The following PARD3B variants were observed in gnomAD, a reference collection of about 807,000 sequenced individuals.
The protein encoded by PARD3B is partitioning defective 3 homolog B.
Under a neutral mutation model 130.2 loss-of-function variants are expected in PARD3B, and 103 were observed. The observed-to-expected ratio is 0.79, with a 90% confidence interval of 0.67 to 0.93. The LOEUF is 0.93. Among genes scored for constraint, PARD3B ranks in the 40% least tolerant of loss-of-function variants. The pLI, the probability that PARD3B is intolerant of heterozygous loss-of-function variation, is 0.00. For synonymous variants in PARD3B, 583 were observed against 553.2 expected, an observed-to-expected ratio of 1.05 and a Z score of -0.76; for missense variants, 1,609 against 1,499.2, an observed-to-expected ratio of 1.07 and a Z score of -1.21.
At chr2:204,728,808 T>C (rs757021340) in intron 2 of PARD3B, among the ~76,000 whole-genome samples, 1 of 152,178 alleles carries the variant, frequency 6.6e-6, no homozygotes, top group African/African-American at 2.4e-5. Flanking sequence ...TCAGTTGTCT[T>C]TTCTTCTAAT....
chr2:205,587,583 C>T (rs2054243108), intron 22 of PARD3B, among the ~76,000 whole-genome samples: 1 of 152,136 alleles, frequency 6.6e-6, no homozygotes, highest in Non-Finnish European at 1.5e-5. Flanking sequence ...TTGACCTTAC[C>T]TTCTCTCTGT....
chr2:204,918,735 A>T (rs554107049), intron 2 of PARD3B, among the ~76,000 whole-genome samples: 1 of 152,114 alleles, frequency 6.6e-6, no homozygotes, highest in Admixed American at 6.5e-5. Flanking sequence ...CTCGATGTGC[A>T]GTTTGTTCTT....
chr2:205,540,293 C>T (rs917036022), intron 21 of PARD3B, among the ~76,000 whole-genome samples: 18 of 151,504 alleles, frequency 1.2e-4, no homozygotes, highest in Non-Finnish European at 2.1e-4. Flanking sequence ...TCTATCACTT[C>T]CTCTTCCTGG....
chr2:205,584,350 T>C lies in PARD3B; in HGVS notation c.3260+30947T>C, dbSNP rs2054113153. On this transcript the variant is annotated intron_variant, in intron 22 of 22. Transcript: ENST00000406610. This position sits in a 1 kb window ranked among gnomAD's most constrained non-coding sequence, Gnocchi z 5.5. ...GTAAAATAAATTATTAAAATTAGTT[T>C]TACTTTTGAATGTGGATACAAGAAA... Among the ~76,000 whole-genome samples, 1 of 152,212 alleles carries C rather than the reference T, an allele frequency of 6.6e-6. No individual in the cohort carries two copies. The highest frequency in any genetic ancestry group is 2.4e-5 in the African/African-American group (1 of 41,452).
chr2:205,266,978 T>G (rs936287848), intron 16 of PARD3B, among the ~76,000 whole-genome samples: 1 of 152,140 alleles, frequency 6.6e-6, no homozygotes, highest in Non-Finnish European at 1.5e-5. Flanking sequence ...AATCTTAATG[T>G]GCTAAAGAAG....
chr2:204,865,511 A>T (rs1321101034), intron 2 of PARD3B, among the ~76,000 whole-genome samples: 1 of 152,220 alleles, frequency 6.6e-6, no homozygotes, highest in Non-Finnish European at 1.5e-5. Flanking sequence ...GGAGACCATT[A>T]TTCTAAGTGA....
intron 1 of PARD3B, among the ~76,000 whole-genome samples, chr2:204,643,115 C>CCAAAAAAAAAAAAAAAAA (rs557257879): frequency 2.2e-4 from 7 of 31,826 alleles, no homozygotes; most frequent in East Asian, 1.6e-3. Context: ...CTCTGTCTCA[C>CCAAAAAAAAAAAAAAAAA]AAAAAAAAAA....
At chr2:204,676,117 T>G (rs183601236) in intron 1 of PARD3B, among the ~76,000 whole-genome samples, 218 of 149,852 alleles carry the variant, frequency 1.5e-3, no homozygotes, top group African/African-American at 3.9e-3. Flanking sequence ...GTATTTTTTT[T>G]GGGGCGGGGG....
intron 2 of PARD3B, among the ~76,000 whole-genome samples, chr2:204,941,838 GT>G (rs1688929257): frequency 1.3e-5 from 2 of 151,468 alleles, no homozygotes; most frequent in Admixed American, 1.3e-4. Context: ...TTCTGAGTGT[GT>G]GTGTATATAT....
intron 3 of PARD3B, 43 bp from the exon 4 acceptor site, chr2:205,047,538 C>T: frequency 7.5e-7 from 1 of 1,335,162 alleles, no homozygotes; most frequent in Non-Finnish European, 1.0e-6. Context: ...CTCTCTTCAC[C>T]CCAGGGTTCT....
intron 2 of PARD3B, among the ~76,000 whole-genome samples, chr2:204,712,381 G>A (rs2038486382): frequency 6.6e-6 from 1 of 152,048 alleles, no homozygotes; most frequent in African/African-American, 2.4e-5. Context: ...AGGAGACTGA[G>A]ACAGGTGGAT....
chr2:205,489,551 T>TATATATGTATATATATAC (rs1553524264), intron 20 of PARD3B, among the ~76,000 whole-genome samples: 2 of 138,494 alleles, frequency 1.4e-5, no homozygotes, highest in Non-Finnish European at 3.0e-5. Flanking sequence ...TATATATGTA[T>TATATATGTATATATATAC]ATATATACAT....
At chr2:205,007,491 T>A (rs576305951) in intron 3 of PARD3B, among the ~76,000 whole-genome samples, 1 of 152,108 alleles carries the variant, frequency 6.6e-6, no homozygotes, top group Non-Finnish European at 1.5e-5. Flanking sequence ...TGGCTGTGAG[T>A]TTTTGGCTTT....
At chr2:204,892,235 C>T (rs571714115) in intron 2 of PARD3B, among the ~76,000 whole-genome samples, 16 of 152,068 alleles carry the variant, frequency 1.1e-4, no homozygotes, top group Non-Finnish European at 2.4e-4. Context: ...TAGGCTCTTC[C>T]AGCAGGAGCA....
intron 4 of PARD3B, among the ~76,000 whole-genome samples, chr2:205,087,481 G>A (rs1701808064): frequency 6.6e-6 from 1 of 151,972 alleles, no homozygotes; most frequent in African/African-American, 2.4e-5. Flanking sequence ...CATGCCATTT[G>A]ATCTGTACAT....
chr2:204,867,688 C>T (rs1436648688), intron 2 of PARD3B, among the ~76,000 whole-genome samples: 1 of 151,872 alleles, frequency 6.6e-6, no homozygotes, highest in East Asian at 1.9e-4. Flanking sequence ...AAGAGAAATC[C>T]CTGACCATTT....
chr2:205,473,542 TG>T lies in PARD3B; in HGVS notation c.3045-26351del. Among the ~76,000 whole-genome samples the T allele has an allele frequency of 6.6e-6, 1 of 151,630 alleles. No homozygotes were observed. The highest frequency in any genetic ancestry group is 1.5e-5 in the Non-Finnish European group (1 of 67,854). ...GTAGGGCACGTTTCACTCATTAATA[TG>T]GGTGATATCTTACATTGTTGGAAAG... On this transcript the variant is annotated intron_variant, in intron 20 of 22. Transcript: ENST00000406610. The surrounding 1 kb of genome is among the most constrained non-coding windows in gnomAD (Gnocchi z 4.9).
intron 1 of PARD3B, among the ~76,000 whole-genome samples, chr2:204,571,615 C>T (rs190288697): frequency 9.1e-4 from 138 of 152,236 alleles, no homozygotes; most frequent in African/African-American, 2.9e-3. Context: ...TTCTGAGATA[C>T]CTATATCTCG....
intron 1 of PARD3B, among the ~76,000 whole-genome samples, chr2:204,682,698 T>C (rs1053647064): frequency 7.9e-5 from 12 of 152,222 alleles, no homozygotes; most frequent in Admixed American, 1.3e-4. Flanking sequence ...GGGACCTCGC[T>C]GCCATTGCAG....
Sources: gnomAD v4.1 joint callset for allele counts (sites outside exome capture counted in the v4.1 genomes callset) on GRCh38, gnomAD v4.1.1 for gene constraint, Gnocchi (gnomAD v3.1) non-coding constraint, MANE v1.5 for transcripts, NCBI Gene and HGNC (gene_info 2026-07-23, HGNC 2026-07-21) for gene names.